GTF2F2: variants seen among roughly 807,000 people sequenced by gnomAD.
GTF2F2 encodes general transcription factor IIF subunit 2.
GTF2F2 carries 23 observed loss-of-function variants against 42.2 expected under a neutral mutation model. The ratio of observed to expected loss-of-function variants is 0.55; its 90% CI spans 0.39 to 0.77. GTF2F2 has a LOEUF of 0.77. GTF2F2 is among the 30% of genes least tolerant of loss of function. The pLI, the probability that GTF2F2 is intolerant of heterozygous loss-of-function variation, is 0.00. For missense variants in GTF2F2, 261 were observed against 287.2 expected (o/e 0.91, Z 0.66); for synonymous variants, 105 against 100.8 (o/e 1.04, Z -0.25).
intron 7 of GTF2F2, among the ~76,000 whole-genome samples, chr13:45,270,105 T>A (rs942134697): frequency 6.6e-6 from 1 of 152,198 alleles, no homozygotes; most frequent in African/African-American, 2.4e-5. Context: ...GTGCTGAGAT[T>A]ACACGTGAGC....
At chr13:45,259,051 C>T (rs905717861) in intron 6 of GTF2F2, among the ~76,000 whole-genome samples, 3 of 152,080 alleles carry the variant, frequency 2.0e-5, no homozygotes, top group Non-Finnish European at 4.4e-5. Context: ...TCCTTTTCTT[C>T]TCATAAGGAA....
At position 45,120,561 on chromosome 13, in the gene GTF2F2, G is replaced by C. The variant is rs912149332; in HGVS notation, c.-95G>C. 2.3e-6 allele frequency: 2 copies of C among 854,864 alleles called. No homozygotes were observed. Among genetic ancestry groups the C allele is most frequent in the African/African-American group, 1.7e-5 (1 of 58,952 alleles). 53.0% of individuals were successfully genotyped at this position (854,864 alleles called of 1,614,324 possible). A position where few individuals can be genotyped will look rare whatever the true frequency, so the allele number is the denominator to read the frequency against. ...AGGAACGCCGGCTCTTCGCCTCTCA[G>C]CGCGGCTTGTCCTTTGTTCCGGACG... On this transcript the variant is annotated 5_prime_UTR_variant, in exon 1 of 8. Transcript: ENST00000340473.
In GTF2F2 at chr13:45,243,629, T is replaced by A. The variant is rs185897236; in HGVS notation, c.387-9242T>A. 6.0e-3 allele frequency among the ~76,000 whole-genome samples: 916 copies of A among 152,340 alleles called. 10 individuals carry two copies. Among genetic ancestry groups the A allele is most frequent in the African/African-American group, 0.021 (874 of 41,578 alleles). On this transcript the variant is annotated intron_variant, in intron 5 of 7. Transcript: ENST00000340473. ...TAAGTAGTGGTTTTACTGTTTTTTT[T>A]TAAATCCATTTTGTTTTATTGTTGT...
At chr13:45,247,075 C>T (rs1175930112) in intron 5 of GTF2F2, among the ~76,000 whole-genome samples, 1 of 147,218 alleles carries the variant, frequency 6.8e-6, no homozygotes, top group Non-Finnish European at 1.5e-5. Context: ...CTTGGCTGGG[C>T]ACTGCGGCTC....
chr13:45,181,200 A>AAAAAAAAAAAAAAC (rs766375703), intron 4 of GTF2F2, among the ~76,000 whole-genome samples: 13 of 132,824 alleles, frequency 9.8e-5, no homozygotes, highest in Non-Finnish European at 9.9e-5. Flanking sequence ...AAAAAAAAAA[A>AAAAAAAAAAAAAAC]AAACCAGAAA....
rs546041852 is a variant in GTF2F2 at position 45,251,601 on chromosome 13, C to CTT, written c.387-1261_387-1260dup. Among the ~76,000 whole-genome samples, 320 of 147,888 alleles carry CTT rather than the reference C, an allele frequency of 2.2e-3. 4 individuals carry two copies. The highest frequency in any genetic ancestry group is 7.5e-3 in the African/African-American group (302 of 40,386). ...TAGTTTCACCATTTAAAAAAACTGC[C>CTT]TTTTTTTTTTAATTAAAGGCAATTT... On this transcript the variant is annotated intron_variant, in intron 5 of 7. Coordinates refer to ENST00000340473, the MANE Select transcript of GTF2F2 (RefSeq NM_004128.3).
At chr13:45,193,563 T>G in intron 4 of GTF2F2, 1 of 482,600 alleles carries the variant, frequency 2.1e-6, no homozygotes, top group South Asian at 4.8e-5. Flanking sequence ...ATATAGAAGG[T>G]TACTGTTTTC....
intron 6 of GTF2F2, among the ~76,000 whole-genome samples, chr13:45,258,977 A>G (rs1235142017): frequency 6.6e-6 from 1 of 152,194 alleles, no homozygotes; most frequent in Non-Finnish European, 1.5e-5. Context: ...TATCTAGCCT[A>G]TGTAAATTTC....
intron 4 of GTF2F2, among the ~76,000 whole-genome samples, chr13:45,170,767 G>A (rs1044579464): frequency 3.3e-5 from 5 of 152,318 alleles, no homozygotes; most frequent in Non-Finnish European, 7.4e-5. Context: ...CAGAAGAATG[G>A]TCCCTGGAGG....
chr13:45,166,896 C>T (rs1204710038), intron 4 of GTF2F2, among the ~76,000 whole-genome samples: 2 of 152,088 alleles, frequency 1.3e-5, no homozygotes, highest in Non-Finnish European at 2.9e-5. Flanking sequence ...TTTAAAATCT[C>T]TTGAAAGTTA....
At chr13:45,216,165 C>T (rs751305592) in intron 5 of GTF2F2, among the ~76,000 whole-genome samples, 1 of 151,730 alleles carries the variant, frequency 6.6e-6, no homozygotes, top group Non-Finnish European at 1.5e-5. Context: ...CTGCAGTGAG[C>T]TGAGGTTGCA....
At chr13:45,123,987 C>T (rs1868831005) in intron 1 of GTF2F2, 3 of 927,922 alleles carry the variant, frequency 3.2e-6, no homozygotes, top group Non-Finnish European at 5.1e-6. Context: ...CTTGTTCTGT[C>T]ACTGGGGCTG....
intron 1 of GTF2F2, among the ~76,000 whole-genome samples, chr13:45,133,764 A>G (rs1156348886): frequency 1.3e-5 from 2 of 152,228 alleles, no homozygotes; most frequent in Non-Finnish European, 2.9e-5. Context: ...CTGCCTCTGT[A>G]TCGCTGCATT....
chr13:45,152,910 T>C (rs1870565362), intron 4 of GTF2F2, among the ~76,000 whole-genome samples: 1 of 152,136 alleles, frequency 6.6e-6, no homozygotes, highest in Non-Finnish European at 1.5e-5. Context: ...AAAGAAAACA[T>C]TTGTGATTTT....
chr13:45,240,695 G>T (rs1875247094), intron 5 of GTF2F2, among the ~76,000 whole-genome samples: 1 of 151,996 alleles, frequency 6.6e-6, no homozygotes, highest in Non-Finnish European at 1.5e-5. Context: ...AGGCATGGTG[G>T]TGGGCGCCTG....
chr13:45,144,239 G>A (rs1452790745), intron 2 of GTF2F2, among the ~76,000 whole-genome samples: 2 of 151,722 alleles, frequency 1.3e-5, no homozygotes, highest in African/African-American at 2.4e-5. Flanking sequence ...GTCAACAAGC[G>A]CAAAACTCAG....
intron 1 of GTF2F2, among the ~76,000 whole-genome samples, chr13:45,129,030 C>T (rs1330096603): frequency 6.6e-6 from 1 of 152,182 alleles, no homozygotes; most frequent in Admixed American, 6.5e-5. Flanking sequence ...AAATCGTAGT[C>T]TCCAGTAGTT....
At chr13:45,176,314 T>C (rs1478036221) in intron 4 of GTF2F2, among the ~76,000 whole-genome samples, 5 of 152,324 alleles carry the variant, frequency 3.3e-5, no homozygotes, top group African/African-American at 9.6e-5. Context: ...TCTAATGATA[T>C]TATATTTATA....
intron 4 of GTF2F2, chr13:45,193,001 G>A (rs1399683536): frequency 6.6e-6 from 1 of 152,154 alleles, no homozygotes; most frequent in Non-Finnish European, 1.5e-5. Context: ...TAGCCTGCCG[G>A]TTGACATCAA....
Sources: allele counts gnomAD v4.1 joint callset (sites outside exome capture counted in the v4.1 genomes callset), GRCh38; gene constraint gnomAD v4.1.1; transcripts MANE v1.5; gene names NCBI Gene and HGNC (gene_info 2026-07-23, HGNC 2026-07-21).